The following DOK5 variants were observed in gnomAD, a reference collection of about 807,000 sequenced individuals.
DOK5 encodes downstream of tyrosine kinase 5.
DOK5 carries 27 observed loss-of-function variants against 43.3 expected under a neutral mutation model. The observed-to-expected ratio is 0.62, with a 90% CI of 0.46 to 0.86. The LOEUF is 0.86. Among genes scored for constraint, DOK5 ranks in the 40% least tolerant of loss-of-function variants. The pLI, the probability that DOK5 is intolerant of heterozygous loss-of-function variation, is 0.00. For synonymous variants in DOK5, 146 were observed against 140.1 expected, an observed-to-expected ratio of 1.04 and a Z score of -0.30; for missense variants, 373 against 392.9, an observed-to-expected ratio of 0.95 and a Z score of 0.43.
intron 2 of DOK5, among the ~76,000 whole-genome samples, chr20:54,562,514 G>T (rs1051325343): frequency 6.6e-6 from 1 of 152,096 alleles, no homozygotes; most frequent in African/African-American, 2.4e-5. Flanking sequence ...TGCCTCCTGG[G>T]CTTAAGCAGT....
intron 5 of DOK5, among the ~76,000 whole-genome samples, chr20:54,598,896 C>T (rs1011149716): frequency 2.6e-5 from 4 of 152,144 alleles, no homozygotes; most frequent in Non-Finnish European, 5.9e-5. Flanking sequence ...GTATATTTCA[C>T]CCTAAAACCA....
intron 1 of DOK5, among the ~76,000 whole-genome samples, chr20:54,546,033 C>T (rs1012995970): frequency 1.3e-5 from 2 of 152,132 alleles, no homozygotes; most frequent in African/African-American, 2.4e-5. Context: ...GAAAAAATTC[C>T]TGGAGTAGTG....
chr20:54,542,014 A>C (rs1984177209), intron 1 of DOK5, among the ~76,000 whole-genome samples: 1 of 151,798 alleles, frequency 6.6e-6, no homozygotes, highest in African/African-American at 2.4e-5. Context: ...ATTTAAAATC[A>C]CAATACCCAC....
At chr20:54,501,344 G>T (rs551939435) in intron 1 of DOK5, among the ~76,000 whole-genome samples, 1 of 151,874 alleles carries the variant, frequency 6.6e-6, no homozygotes, top group East Asian at 1.9e-4. Context: ...GTGGGCGCCT[G>T]TAGACCCAGC....
chr20:54,481,903 G>T (rs1053269125), intron 1 of DOK5, among the ~76,000 whole-genome samples: 3 of 152,158 alleles, frequency 2.0e-5, no homozygotes, highest in African/African-American at 7.2e-5. Flanking sequence ...TTAACACAGT[G>T]CTTGACACAG....
At chr20:54,625,183 C>A (rs1427713376) in intron 6 of DOK5, among the ~76,000 whole-genome samples, 6 of 152,124 alleles carry the variant, frequency 3.9e-5, no homozygotes, top group Admixed American at 3.9e-4. Flanking sequence ...GTGGTTCCTG[C>A]CAAACATCTG....
chr20:54,593,243 C>T (rs577592926), intron 5 of DOK5, among the ~76,000 whole-genome samples: 7 of 148,346 alleles, frequency 4.7e-5, no homozygotes, highest in East Asian at 3.9e-4. Flanking sequence ...GGTGACAGAG[C>T]GAGACTCTGT....
intron 2 of DOK5, among the ~76,000 whole-genome samples, chr20:54,564,240 G>A (rs549387023): frequency 1.4e-4 from 22 of 152,092 alleles, no homozygotes; most frequent in East Asian, 3.9e-4. Flanking sequence ...TGGCTAACAC[G>A]GTGAAACCCC....
chr20:54,606,327 G>A (rs1377858573), intron 5 of DOK5, among the ~76,000 whole-genome samples: 2 of 152,018 alleles, frequency 1.3e-5, no homozygotes, highest in Admixed American at 6.6e-5. Context: ...ATTAATGTAC[G>A]GAGTGTTTGG....
At chr20:54,532,189 C>T (rs1983796360) in intron 1 of DOK5, among the ~76,000 whole-genome samples, 2 of 152,154 alleles carry the variant, frequency 1.3e-5, no homozygotes, top group Admixed American at 6.5e-5. Context: ...ACTCATTTGA[C>T]CCTCTCGACA....
intron 2 of DOK5, among the ~76,000 whole-genome samples, chr20:54,571,776 T>G (rs1985289353): frequency 6.6e-6 from 1 of 152,208 alleles, no homozygotes; most frequent in Non-Finnish European, 1.5e-5. Context: ...CCTAAACTCC[T>G]GAGTGCAGCG....
chr20:54,648,984 C>T (rs1180986618), intron 7 of DOK5, among the ~76,000 whole-genome samples: 1 of 152,194 alleles, frequency 6.6e-6, no homozygotes, highest in Non-Finnish European at 1.5e-5. Context: ...AAGATAGCAT[C>T]ACTGTTTCAA....
chr20:54,618,788 CA>C (rs895719839), intron 6 of DOK5, among the ~76,000 whole-genome samples: 9 of 151,760 alleles, frequency 5.9e-5, no homozygotes, highest in African/African-American at 2.2e-4. Flanking sequence ...GAGGCCAAGG[CA>C]GGAGGATTGT....
At chr20:54,615,406 T>C (rs1986774743) in intron 6 of DOK5, among the ~76,000 whole-genome samples, 3 of 152,256 alleles carry the variant, frequency 2.0e-5, no homozygotes, top group Middle Eastern at 3.4e-3. Flanking sequence ...GACAGTATCC[T>C]GGTCTATCCA....
At chr20:54,481,903 G>A (rs1053269125) in intron 1 of DOK5, among the ~76,000 whole-genome samples, 2 of 152,158 alleles carry the variant, frequency 1.3e-5, no homozygotes, top group South Asian at 2.1e-4. Flanking sequence ...TTAACACAGT[G>A]CTTGACACAG....
chr20:54,498,576 A>G (rs1265262473), intron 1 of DOK5, among the ~76,000 whole-genome samples: 3 of 152,220 alleles, frequency 2.0e-5, no homozygotes, highest in Non-Finnish European at 4.4e-5. Context: ...TGATTTGGAA[A>G]TAAAATGTAC....
At chr20:54,634,311 C>T (rs150010052) in intron 6 of DOK5, among the ~76,000 whole-genome samples, 1,740 of 83,788 alleles carry the variant, frequency 0.021, 19 homozygotes, top group Middle Eastern at 0.14. Flanking sequence ...ACAATAATGA[C>T]GGCAGGGTGG....
intron 6 of DOK5, among the ~76,000 whole-genome samples, chr20:54,618,881 A>T (rs914020608): frequency 1.3e-5 from 2 of 150,882 alleles, no homozygotes; most frequent in Non-Finnish European, 3.0e-5. Context: ...GCCCAGCATG[A>T]TGGTGCATGC....
intron 1 of DOK5, among the ~76,000 whole-genome samples, chr20:54,531,904 T>C (rs896930081): frequency 6.6e-6 from 1 of 152,232 alleles, no homozygotes; most frequent in Non-Finnish European, 1.5e-5. Context: ...GAGATAATTA[T>C]ACAAACAATT....
Sources: gnomAD v4.1 joint callset for allele counts (sites outside exome capture counted in the v4.1 genomes callset) on GRCh38, gnomAD v4.1.1 for gene constraint, MANE v1.5 for transcripts, NCBI Gene and HGNC (gene_info 2026-07-23, HGNC 2026-07-21) for gene names.